The following YAP1 variants were observed in gnomAD, a reference collection of about 807,000 sequenced individuals.
The protein encoded by YAP1 is Yes1 associated transcriptional regulator, also known as transcriptional coactivator YAP1.
Under a neutral mutation model 56.9 loss-of-function variants are expected in YAP1, and 5 were observed. That is an observed-to-expected ratio of 0.09 (90% CI 0.05 to 0.18). The LOEUF is 0.18. Ranked by LOEUF, YAP1 falls within the 10% of genes least tolerant of loss-of-function variation. YAP1 has a pLI of 1.00. For missense variants in YAP1, 539 were observed against 651.8 expected, an observed-to-expected ratio of 0.83 and a Z score of 1.88; for synonymous variants, 265 against 248.1, an observed-to-expected ratio of 1.07 and a Z score of -0.64.
chr11:102,216,631 C>T (rs932559682), intron 6 of YAP1, among the ~76,000 whole-genome samples: 1 of 152,104 alleles, frequency 6.6e-6, no homozygotes, highest in Non-Finnish European at 1.5e-5. Flanking sequence ...GGATTGTCTA[C>T]AAAACTGATT....
intron 6 of YAP1, among the ~76,000 whole-genome samples, chr11:102,218,206 G>C (rs1178604542): frequency 6.6e-6 from 1 of 152,162 alleles, no homozygotes; most frequent in Non-Finnish European, 1.5e-5. Context: ...TCCATAATCT[G>C]CATATATGTT....
At chr11:102,222,190 G>A (rs1210393123) in intron 6 of YAP1, among the ~76,000 whole-genome samples, 1 of 152,192 alleles carries the variant, frequency 6.6e-6, no homozygotes, top group East Asian at 1.9e-4. Flanking sequence ...TGGTGGGGCC[G>A]TGCCTCAGTG....
intron 4 of YAP1, among the ~76,000 whole-genome samples, chr11:102,191,691 T>G (rs1948292213): frequency 6.6e-6 from 1 of 152,188 alleles, no homozygotes; most frequent in Admixed American, 6.5e-5. Flanking sequence ...TGTTTCTTTC[T>G]TTTTTGGAGA....
chr11:102,206,805 G>A (rs1354215117), intron 5 of YAP1, among the ~76,000 whole-genome samples: 7 of 152,194 alleles, frequency 4.6e-5, no homozygotes, highest in Admixed American at 6.5e-5. Context: ...TTGTGCCACC[G>A]CACTCAAGCC....
At chr11:102,165,046 T>C (rs1444083526) in intron 3 of YAP1, among the ~76,000 whole-genome samples, 3 of 152,034 alleles carry the variant, frequency 2.0e-5, no homozygotes, top group Admixed American at 6.6e-5. Flanking sequence ...TTGAAAATAA[T>C]TGTGGATGTT....
At chr11:102,126,179 G>A (rs1347816052) in intron 2 of YAP1, among the ~76,000 whole-genome samples, 3 of 152,094 alleles carry the variant, frequency 2.0e-5, no homozygotes, top group African/African-American at 7.2e-5. Flanking sequence ...CTGAATTTTT[G>A]TGAATCCAGT....
At chr11:102,227,666 A>G (rs1950258102) in intron 8 of YAP1, 85 bp downstream of exon 8, 3 of 901,422 alleles carry the variant, frequency 3.3e-6, no homozygotes, top group African/African-American at 3.3e-5. Flanking sequence ...GTAAGCAAAG[A>G]TGATTCAGAA....
intron 4 of YAP1, among the ~76,000 whole-genome samples, chr11:102,192,082 C>T (rs184602837): frequency 2.0e-5 from 3 of 152,210 alleles, no homozygotes; most frequent in African/African-American, 4.8e-5. Context: ...CAGCTTTGAC[C>T]TTTCCCTTTA....
Position 102,230,068 on chromosome 11 carries a change from A to C in YAP1, c.*128A>C. On this transcript the variant is annotated 3_prime_UTR_variant, in exon 9 of 9. Transcript: ENST00000282441. The stretch of plus-strand genomic sequence containing the variant: ...AAGATGAACAAACGTCCAGCAAGAT[A>C]CTTTAATCCTCTATTTTGCTCTTCC... The C allele has an allele frequency of 1.3e-6, 1 of 771,496 alleles. No individual in the cohort carries two copies. 47.8% of individuals were successfully genotyped at this position (771,496 alleles called of 1,614,324 possible). A position where few individuals can be genotyped will look rare whatever the true frequency, so the allele number is the denominator to read the frequency against.
intron 2 of YAP1, among the ~76,000 whole-genome samples, chr11:102,155,913 A>T (rs1183039366): frequency 6.6e-6 from 1 of 152,182 alleles, no homozygotes; most frequent in Non-Finnish European, 1.5e-5. Flanking sequence ...CAGAACACTG[A>T]TTATAACTTT....
chr11:102,214,620 TTAAA>T (rs1949571853), intron 6 of YAP1, among the ~76,000 whole-genome samples: 1 of 152,232 alleles, frequency 6.6e-6, no homozygotes, highest in Non-Finnish European at 1.5e-5. Context: ...AGTTCTGATA[TTAAA>T]TAAATCATAG....
chr11:102,174,280 A>G (rs890836520), intron 3 of YAP1, among the ~76,000 whole-genome samples: 2 of 152,058 alleles, frequency 1.3e-5, no homozygotes, highest in Non-Finnish European at 2.9e-5. Context: ...CCTGCAAAAT[A>G]TATGTTACCT....
At chr11:102,138,119 C>A (rs932972148) in intron 2 of YAP1, among the ~76,000 whole-genome samples, 3 of 152,086 alleles carry the variant, frequency 2.0e-5, no homozygotes, top group Non-Finnish European at 4.4e-5. Context: ...ACTCCTGACC[C>A]TGTGATCCGC....
At chr11:102,139,347 C>A (rs1165615596) in intron 2 of YAP1, among the ~76,000 whole-genome samples, 1 of 152,018 alleles carries the variant, frequency 6.6e-6, no homozygotes, top group East Asian at 1.9e-4. Context: ...CTCAGGCCTG[C>A]AATTTGAAGC....
At chr11:102,175,174 C>T (rs978766449) in intron 3 of YAP1, among the ~76,000 whole-genome samples, 1 of 152,050 alleles carries the variant, frequency 6.6e-6, no homozygotes, top group Non-Finnish European at 1.5e-5. Context: ...CCAAGGCGGG[C>T]AGATCACCTG....
chr11:102,211,619 A>G (rs1949407085), intron 6 of YAP1, among the ~76,000 whole-genome samples: 1 of 152,226 alleles, frequency 6.6e-6, no homozygotes, highest in African/African-American at 2.4e-5. Context: ...TCAAGAAAGC[A>G]TGTGTATATT....
At chr11:102,206,223 C>T in intron 5 of YAP1, 149 bp downstream of exon 5, 1 of 927,304 alleles carries the variant, frequency 1.1e-6, no homozygotes, top group Non-Finnish European at 1.5e-6. Context: ...CAGCCCTGTC[C>T]TTGTCTTAGT....
chr11:102,197,587 A>G (rs1429502091), intron 4 of YAP1, among the ~76,000 whole-genome samples: 1 of 152,156 alleles, frequency 6.6e-6, no homozygotes, highest in African/African-American at 2.4e-5. Flanking sequence ...TTGCTCAGTC[A>G]TTGGTTTTCT....
At chr11:102,224,169 G>C (rs948365474) in intron 7 of YAP1, among the ~76,000 whole-genome samples, 1 of 152,216 alleles carries the variant, frequency 6.6e-6, no homozygotes, top group Non-Finnish European at 1.5e-5. Context: ...GTTTCACCCA[G>C]CAGCACTGTA....
Sources: allele counts gnomAD v4.1 joint callset (sites outside exome capture counted in the v4.1 genomes callset), GRCh38; gene constraint gnomAD v4.1.1; transcripts MANE v1.5; gene names NCBI Gene and HGNC (gene_info 2026-07-23, HGNC 2026-07-21).